RGMA: variants seen among roughly 807,000 people sequenced by gnomAD.
RGMA encodes repulsive guidance molecule A.
Under a neutral mutation model 23.2 loss-of-function variants are expected in RGMA, and 10 were observed. The observed-to-expected ratio is 0.43, with a 90% CI of 0.27 to 0.73. The LOEUF (loss-of-function observed/expected upper bound fraction) is 0.73, where lower values mean the gene tolerates loss of function less well. Among genes scored for constraint, RGMA ranks in the 30% least tolerant of loss-of-function variants. The probability of loss-of-function intolerance (pLI) is 0.20; values close to 1 mark genes in which losing one functional copy is unlikely to be tolerated. For synonymous variants in RGMA, 308 were observed against 279.3 expected, an observed-to-expected ratio of 1.10 and a Z score of -1.03; for missense variants, 547 against 630.5, an observed-to-expected ratio of 0.87 and a Z score of 1.42.
intron 2 of RGMA, among the ~76,000 whole-genome samples, chr15:93,053,318 G>C (rs906456968): frequency 6.6e-6 from 1 of 152,168 alleles, no homozygotes; most frequent in African/African-American, 2.4e-5. Flanking sequence ...GCCCTTTTCT[G>C]GCCTTCCTCT....
At chr15:93,048,225 G>C (rs2141799614) in intron 3 of RGMA, among the ~76,000 whole-genome samples, 1 of 152,316 alleles carries the variant, frequency 6.6e-6, no homozygotes, top group South Asian at 2.1e-4. Flanking sequence ...GGATGATGAG[G>C]TGGGGAGAAC....
In RGMA at chr15:93,045,168, A is replaced by G; in HGVS notation, c.1183T>C (p.Tyr395His). The G allele has an allele frequency of 6.2e-7, 1 of 1,607,794 alleles. No homozygotes were observed. The highest frequency in any genetic ancestry group is 8.5e-7 in the Non-Finnish European group (1 of 1,177,156). ...TGDVNFTLAA[Y>H]YALEDVKMLH... The stretch of plus-strand genomic sequence containing the variant: ...ATCTTGACATCCTCCAACGCGTAGT[A>G]GGCGGCCAGTGTGAAGTTCACGTCG... Residue 395 changes from tyrosine to histidine, a missense_variant, in exon 4 of 4, where the codon TAC becomes CAC. Coordinates refer to ENST00000329082, the MANE Select transcript of RGMA (RefSeq NM_020211.3). This position sits in a 1 kb window ranked among gnomAD's most constrained non-coding sequence, Gnocchi z 6.9.
chr15:93,061,922 A>AGGAGTCCTAGGAATGCAGCTC (rs1894978463), intron 2 of RGMA, among the ~76,000 whole-genome samples: 1 of 152,164 alleles, frequency 6.6e-6, no homozygotes, highest in African/African-American at 2.4e-5. Flanking sequence ...ACCCTGAGAA[A>AGGAGTCCTAGGAATGCAGCTC]GGAGTCCTAG....
chr15:93,065,215 A>C (rs1401796386), intron 2 of RGMA, among the ~76,000 whole-genome samples: 1 of 152,084 alleles, frequency 6.6e-6, no homozygotes, highest in East Asian at 1.9e-4. Context: ...CAGGTGGCAC[A>C]TGACAGATGA....
intron 1 of RGMA, among the ~76,000 whole-genome samples, chr15:93,076,774 G>T (rs888037616): frequency 1.3e-5 from 2 of 152,186 alleles, no homozygotes; most frequent in African/African-American, 4.8e-5. Flanking sequence ...CCAATAAATG[G>T]CTAAAAAATG....
chr15:93,086,172 C>G (rs939017681), intron 1 of RGMA, among the ~76,000 whole-genome samples: 5 of 152,078 alleles, frequency 3.3e-5, no homozygotes, highest in African/African-American at 1.2e-4. Context: ...AAGCCATTCC[C>G]TAAAAGAGCC....
rs1206086914 is a variant in RGMA, at chr15:93,045,609, T to C, written c.742A>G (p.Lys248Glu). Residue 248 changes from lysine (K) to glutamate (E), a missense_variant, in exon 4 of 4, where the codon AAG becomes GAG. Physicochemically the swap from Lys to Glu is moderately conservative, Grantham distance 56. Around this residue, in one of 3 missense-constraint regions of RGMA, gnomAD observed 128 missense variants for 191.7 expected, o/e 0.67. Coordinates refer to ENST00000329082, the MANE Select transcript of RGMA (RefSeq NM_020211.3). This position sits in a 1 kb window ranked among gnomAD's most constrained non-coding sequence, Gnocchi z 6.9. Reference protein sequence around the residue: ...ELPAAFVDGSKNGGDKHGANS... With the variant: ...ELPAAFVDGSENGGDKHGANS... The stretch of plus-strand genomic sequence containing the variant: ...GCCCCGTGCTTGTCCCCACCGTTCT[T>C]AGAGCCATCCACGAAGGCGGCCGGG... 1 of 1,613,302 alleles carries C rather than the reference T, an allele frequency of 6.2e-7. No homozygotes were observed. The highest frequency in any genetic ancestry group is 8.5e-7 in the Non-Finnish European group (1 of 1,179,866).
intron 2 of RGMA, 38 bp downstream of exon 2, chr15:93,072,878 G>T (rs1434089156): frequency 7.6e-6 from 12 of 1,571,770 alleles, no homozygotes; most frequent in Non-Finnish European, 1.0e-5. Flanking sequence ...GGGCGGCCCA[G>T]GGACCCGGCC....
intron 1 of RGMA, among the ~76,000 whole-genome samples, chr15:93,074,801 C>A (rs1895443713): frequency 6.6e-6 from 1 of 152,220 alleles, no homozygotes; most frequent in Non-Finnish European, 1.5e-5. Context: ...CCGGGGCACG[C>A]TAAGCAGGCA....
intron 2 of RGMA, among the ~76,000 whole-genome samples, chr15:93,058,302 G>C (rs2055046718): frequency 1.3e-5 from 2 of 152,224 alleles, no homozygotes; most frequent in South Asian, 4.1e-4. Context: ...AGAGCATCGA[G>C]ATCAACTCCA....
At chr15:93,053,599 CAAG>C (rs1379113498) in intron 2 of RGMA, among the ~76,000 whole-genome samples, 1 of 152,210 alleles carries the variant, frequency 6.6e-6, no homozygotes, top group Non-Finnish European at 1.5e-5. Context: ...CACATAAAAC[CAAG>C]AACAGACACA....
intron 2 of RGMA, among the ~76,000 whole-genome samples, chr15:93,061,137 C>T (rs1246373627): frequency 6.6e-6 from 1 of 152,232 alleles, no homozygotes; most frequent in Admixed American, 6.5e-5. Flanking sequence ...CGTCCATACT[C>T]CATACCCAAA....
Position 93,088,443 on chromosome 15 carries a change from G to C in RGMA, c.14+476C>G, listed in dbSNP as rs766338737. On this transcript the variant is annotated intron_variant, in intron 1 of 3. Transcript: ENST00000329082. The stretch of plus-strand genomic sequence containing the variant: ...CCGAGGCAAAGGGCCGCCGGGACGC[G>C]AGCCCACGCGGTGCACTGCGCCGAC... 8.1e-6 allele frequency: 8 copies of C among 985,938 alleles called. No individual in the cohort carries two copies. The African/African-American group carries it at 1.2e-4, about 15-fold the overall frequency. The allele number at this position is 985,938 out of a possible 1,614,324, so 61.1% of individuals were successfully genotyped here.
Position 93,072,108 on chromosome 15 carries a change from T to TC in RGMA, c.130+807dup, listed in dbSNP as rs998164259. Among the ~76,000 whole-genome samples the TC allele has an allele frequency of 2.6e-4, 39 of 150,424 alleles. No individual in the cohort carries two copies. In the South Asian group the frequency reaches 5.3e-3, roughly 20 times the overall value. ...GGATTTAAGTTGCATGCCTCCCCCC[T>TC]CCCCCCGAAAGGAAAAAAAGTAAAG... On this transcript the variant is annotated intron_variant, in intron 2 of 3. Transcript: ENST00000329082.
rs201321524 is a variant in RGMA, at chr15:93,045,604, G to A, written c.747C>T (p.Asn249=). The A allele has an allele frequency of 2.0e-3, 3,147 of 1,613,092 alleles. 8 individuals are homozygous for A. The highest frequency in any genetic ancestry group is 2.5e-3 in the Non-Finnish European group (2,940 of 1,179,874). ...TGTTGGCCCCGTGCTTGTCCCCACC[G>A]TTCTTAGAGCCATCCACGAAGGCGG... ...LPAAFVDGSK[N]GGDKHGANSL... is the part of the protein sequence containing the mutation. The change falls in exon 4 of 4, where the codon AAC becomes AAT. Residue 249 remains asparagine, a synonymous_variant. Coordinates refer to ENST00000329082, the MANE Select transcript of RGMA (RefSeq NM_020211.3). The surrounding 1 kb of genome is among the most constrained non-coding windows in gnomAD (Gnocchi z 6.9).
intron 2 of RGMA, chr15:93,065,911 G>A (rs1442655531): frequency 2.8e-6 from 2 of 716,934 alleles, no homozygotes; most frequent in Non-Finnish European, 5.0e-6. Context: ...TTGCTGGCTG[G>A]GGGGCCGAGG....
rs1567172760 is a variant in RGMA at position 93,035,832 on chromosome 15, G to C, written c.*9166C>G. 6.6e-6 allele frequency: 1 copy of C among 152,236 alleles called. No individual in the cohort carries two copies. Among genetic ancestry groups the C allele is most frequent in the Non-Finnish European group, 1.5e-5 (1 of 68,074 alleles). The allele number at this position is 152,236 out of a possible 1,614,324, so 9.4% of individuals were successfully genotyped here. ...CTTTGCGCCAGTATGAGCTTATGTAGTTCTTCCCGCTGCCCAGTGATTAAG... is the reference window on the plus strand; with the variant it reads ...CTTTGCGCCAGTATGAGCTTATGTACTTCTTCCCGCTGCCCAGTGATTAAG... On this transcript the variant is annotated 3_prime_UTR_variant, in exon 4 of 4. Transcript: ENST00000329082.
At chr15:93,088,457 C>T in intron 1 of RGMA, 1 of 986,716 alleles carries the variant, frequency 1.0e-6, no homozygotes, top group Non-Finnish European at 1.2e-6. Flanking sequence ...CCACGCGGTG[C>T]ACTGCGCCGA....
Position 93,061,127 on chromosome 15 carries a change from C to T in RGMA, c.131-8620G>A, listed in dbSNP as rs181599280. ...TTGGGGACCCCCATCTTCGTCCTGG[C>T]GTCCATACTCCATACCCAAAGCCTA... On this transcript the variant is annotated intron_variant, in intron 2 of 3. Coordinates refer to ENST00000329082, the MANE Select transcript of RGMA (RefSeq NM_020211.3). Among the ~76,000 whole-genome samples the T allele has an allele frequency of 1.7e-4, 26 of 152,316 alleles. 1 individual carries two copies. In the East Asian group the frequency reaches 4.2e-3, roughly 25 times the overall value.
Sources: gnomAD v4.1 joint callset for allele counts (sites outside exome capture counted in the v4.1 genomes callset) on GRCh38, gnomAD v4.1.1 for gene constraint, gnomAD v4.1.1 regional missense constraint, Gnocchi (gnomAD v3.1) non-coding constraint, MANE v1.5 for transcripts, NCBI Gene and HGNC (gene_info 2026-07-23, HGNC 2026-07-21) for gene names.